SNCG: variants seen among roughly 807,000 people sequenced by gnomAD.
SNCG encodes synuclein gamma.
A neutral mutation model predicts 16.0 loss-of-function variants in SNCG; 13 were observed. The ratio of observed to expected loss-of-function variants is 0.81; its 90% confidence interval spans 0.53 to 1.29. The LOEUF (loss-of-function observed/expected upper bound fraction) is 1.29, where lower values mean the gene tolerates loss of function less well. SNCG is among the 50% of genes most tolerant of loss of function. SNCG has a pLI of 0.00. For synonymous variants in SNCG, 66 were observed against 66.3 expected (o/e 1.00, Z 0.02); for missense variants, 154 against 168.5 (o/e 0.91, Z 0.48).
At chr10:86,962,263 T>C (rs1844365845) in intron 3 of SNCG, among the ~76,000 whole-genome samples, 1 of 152,198 alleles carries the variant, frequency 6.6e-6, no homozygotes. Context: ...GACCTGGGGC[T>C]TCAGGGGCCT....
Position 86,958,766 on chromosome 10 carries a change from G to T in SNCG, c.69G>T (p.Lys23Asn). 1 of 1,613,710 alleles carries T rather than the reference G, an allele frequency of 6.2e-7. No individual in the cohort carries two copies. Among genetic ancestry groups the T allele is most frequent in the Non-Finnish European group, 8.5e-7 (1 of 1,179,794 alleles). Residue 23 changes from lysine (K) to asparagine (N), a missense_variant, in exon 1 of 5, where the codon AAG (lysine) becomes AAT (asparagine). By Grantham distance (94) the Lys-to-Asn change is moderately conservative. Coordinates refer to ENST00000372017, the MANE Select transcript of SNCG (RefSeq NM_003087.3). ...EGVVGAVEKTKQGVTEAAEKT... is the reference protein window; with the variant it reads ...EGVVGAVEKTNQGVTEAAEKT... ...TGGTGGGTGCGGTGGAAAAGACCAA[G>T]CAGGGGGTGACGGAAGCAGCTGAGA...
chr10:86,963,254 C>G lies in SNCG; in HGVS notation c.*269C>G. 2.5e-6 allele frequency: 1 copy of G among 400,796 alleles called. No individual in the cohort carries two copies. The highest frequency in any genetic ancestry group is 4.4e-6 in the Non-Finnish European group (1 of 225,214). The allele number at this position is 400,796 out of a possible 1,614,324, so 24.8% of individuals were successfully genotyped here. ...TGATTCCAAATAAAACTTGAGCCCA[C>G]TCCTGCCATGCTTCCTCTGGGTGCT... On this transcript the variant is annotated 3_prime_UTR_variant, in exon 5 of 5. Coordinates refer to ENST00000372017, the MANE Select transcript of SNCG (RefSeq NM_003087.3).
At chr10:86,958,292 A>T, upstream of SNCG, 2 of 982,586 alleles carry the variant, frequency 2.0e-6, no homozygotes, top group Non-Finnish European at 1.2e-6. Context: ...GCATAGACAC[A>T]GCACCCCTGG....
chr10:86,961,327 T>C (rs1343160659), intron 3 of SNCG, among the ~76,000 whole-genome samples: 4 of 152,118 alleles, frequency 2.6e-5, no homozygotes, highest in African/African-American at 9.7e-5. Context: ...CGTGTTCTCA[T>C]CTGCAAGATG....
upstream of SNCG, chr10:86,957,368 G>A (rs1224947277): frequency 6.8e-6 from 11 of 1,612,392 alleles, no homozygotes; most frequent in Non-Finnish European, 9.3e-6. Flanking sequence ...CAAGGTCCAG[G>A]CCCTCTTACC....
At chr10:86,960,450 G>T (rs745431168) in intron 3 of SNCG, among the ~76,000 whole-genome samples, 2 of 152,142 alleles carry the variant, frequency 1.3e-5, no homozygotes, top group Non-Finnish European at 2.9e-5. Context: ...GTGAAAACAG[G>T]ATCCCACACG....
upstream of SNCG, chr10:86,958,547 T>C: frequency 8.5e-7 from 1 of 1,178,262 alleles, no homozygotes; most frequent in Non-Finnish European, 1.1e-6. Flanking sequence ...CTGGCTGGGC[T>C]CCAGCTGGCC....
At position 86,962,701 on chromosome 10, in the gene SNCG, C is replaced by G. The variant is rs369914419; in HGVS notation, c.363+26C>G. 1.7e-5 allele frequency: 27 copies of G among 1,576,606 alleles called. No individual in the cohort carries two copies. In the African/African-American group the frequency reaches 3.1e-4, roughly 18 times the overall value. ...GTAGGAGCTGGGCTCCTGGGGTGCA[C>G]CATGGGGGGTTCCTTGGTAGGGACC... On this transcript the variant is annotated intron_variant, in intron 4 of 4. Transcript: ENST00000372017.
rs755430015 is a variant in SNCG, at chr10:86,960,094, A to G, written c.257A>G (p.Glu86Gly). 79 of 1,612,998 alleles carry G rather than the reference A, an allele frequency of 4.9e-5. 1 individual carries two copies. The East Asian group carries it at 1.7e-3, about 35-fold the overall frequency. ...TVATKTVEEA[E>G]NIAVTSGVVR... ...GCCACCAAGACCGTGGAGGAGGCGG[A>G]GAACATCGCGGTCACCTCCGGGGTG... Residue 86 changes from glutamate (E) to glycine (G), a missense_variant, in exon 3 of 5, where the codon GAG (glutamate) becomes GGG (glycine). Coordinates refer to ENST00000372017, the MANE Select transcript of SNCG (RefSeq NM_003087.3).
At chr10:86,958,903 C>G in intron 1 of SNCG, 85 bp downstream of exon 1, 1 of 1,454,174 alleles carries the variant, frequency 6.9e-7, no homozygotes, top group Non-Finnish European at 9.3e-7. Flanking sequence ...CTCCCCAGCC[C>G]CAGGGAGGCA....
In SNCG at chr10:86,963,123, G is replaced by A; in HGVS notation, c.*138G>A. On this transcript the variant is annotated 3_prime_UTR_variant, in exon 5 of 5. Transcript: ENST00000372017. ...GCCCTCGTCTCCCTGGCCACCCTTG[G>A]CCTGTCCACCTGTGCTGCTGCACCA... is the stretch of plus-strand genomic sequence containing the variant. 1 of 833,674 alleles carries A rather than the reference G, an allele frequency of 1.2e-6. No homozygotes were observed. The allele number at this position is 833,674 out of a possible 1,614,324, so 51.6% of individuals were successfully genotyped here.
chr10:86,960,938 C>T (rs901042423), intron 3 of SNCG, among the ~76,000 whole-genome samples: 3 of 152,336 alleles, frequency 2.0e-5, no homozygotes, highest in Admixed American at 1.3e-4. Context: ...CCCAAGGTCC[C>T]ATGGCTAGTT....
upstream of SNCG, chr10:86,958,238 TG>T (rs1187509147): frequency 2.1e-6 from 2 of 968,514 alleles, no homozygotes; most frequent in Non-Finnish European, 2.5e-6. Flanking sequence ...CTGGGGACAA[TG>T]GCCAAGGCGC....
upstream of SNCG, among the ~76,000 whole-genome samples, chr10:86,956,592 C>T (rs974790253): frequency 2.8e-4 from 43 of 152,236 alleles, no homozygotes; most frequent in Non-Finnish European, 1.6e-4. Flanking sequence ...TCAGATCCTG[C>T]TCCTTAGCTG....
At chr10:86,957,378 C>T (rs758783725), upstream of SNCG, 11 of 1,612,936 alleles carry the variant, frequency 6.8e-6, no homozygotes, top group East Asian at 2.2e-5. Flanking sequence ...GCCCTCTTAC[C>T]GTCCTACGGG....
In SNCG at chr10:86,958,686, T is replaced by G; in HGVS notation, c.-12T>G. On this transcript the variant is annotated 5_prime_UTR_variant, in exon 1 of 5. Transcript: ENST00000372017. ...CGTCCTGCCTGCAGCAGCACAACCC[T>G]GCACACCCACCATGGATGTCTTCAA... 6.2e-7 allele frequency: 1 copy of G among 1,613,798 alleles called. No homozygotes were observed. Among genetic ancestry groups the G allele is most frequent in the Non-Finnish European group, 8.5e-7 (1 of 1,179,914 alleles).
chr10:86,959,539 C>A lies in SNCG; in HGVS notation c.122-94C>A. On this transcript the variant is annotated intron_variant, in intron 1 of 4. Coordinates refer to ENST00000372017, the MANE Select transcript of SNCG (RefSeq NM_003087.3). This position sits in a 1 kb window ranked among gnomAD's most constrained non-coding sequence, Gnocchi z 4.3. ...GACACCATCCTTACCCCCCCACCGA[C>A]CCCACAGTTTGTCCAGCTGTTCTGT... 2 of 1,139,944 alleles carry A rather than the reference C, an allele frequency of 1.8e-6. No individual in the cohort carries two copies. Among genetic ancestry groups the A allele is most frequent in the Non-Finnish European group, 2.6e-6 (2 of 757,836 alleles). The allele number at this position is 1,139,944 out of a possible 1,614,324, so 70.6% of individuals were successfully genotyped here. A position where few individuals can be genotyped will look rare whatever the true frequency, so the allele number is the denominator to read the frequency against.
intron 3 of SNCG, 24 bp downstream of exon 3, chr10:86,960,152 C>T (rs368603569): frequency 1.4e-5 from 22 of 1,599,928 alleles, no homozygotes; most frequent in Admixed American, 1.7e-5. Context: ...CTCAGACCTG[C>T]CCAGTCCTCT....
chr10:86,958,766 G>A lies in SNCG; in HGVS notation c.69G>A (p.Lys23=), dbSNP rs778081965. The change falls in exon 1 of 5, where the codon AAG becomes AAA. Residue 23 remains lysine (K), a synonymous_variant. Transcript: ENST00000372017. ...TGGTGGGTGCGGTGGAAAAGACCAAGCAGGGGGTGACGGAAGCAGCTGAGA... is the reference window on the plus strand; with the variant it reads ...TGGTGGGTGCGGTGGAAAAGACCAAACAGGGGGTGACGGAAGCAGCTGAGA... ...EGVVGAVEKT[K]QGVTEAAEKT... is the part of the protein sequence containing the mutation. The A allele has an allele frequency of 9.9e-6, 16 of 1,613,710 alleles. No individual in the cohort carries two copies. In the East Asian group the frequency reaches 3.6e-4, roughly 36 times the overall value.
Sources: gnomAD v4.1 joint callset for allele counts (sites outside exome capture counted in the v4.1 genomes callset) on GRCh38, gnomAD v4.1.1 for gene constraint, Gnocchi (gnomAD v3.1) non-coding constraint, MANE v1.5 for transcripts, NCBI Gene and HGNC (gene_info 2026-07-23, HGNC 2026-07-21) for gene names.